CD6: variants seen among roughly 807,000 people sequenced by gnomAD.
CD6 encodes the protein CD6 molecule.
CD6 carries 53 observed loss-of-function variants against 75.3 expected under a neutral mutation model. The ratio of observed to expected loss-of-function variants is 0.70; its 90% confidence interval spans 0.56 to 0.88. CD6 has a LOEUF of 0.88. Among genes scored for constraint, CD6 ranks in the 40% least tolerant of loss-of-function variants. CD6 has a pLI of 0.00. For missense variants in CD6, 770 were observed against 897.1 expected, an observed-to-expected ratio of 0.86 and a Z score of 1.81; for synonymous variants, 359 against 381.5, an observed-to-expected ratio of 0.94 and a Z score of 0.69.
intron 1 of CD6, among the ~76,000 whole-genome samples, chr11:60,995,026 G>A (rs370610070): frequency 9.7e-4 from 148 of 152,284 alleles, no homozygotes; most frequent in African/African-American, 3.0e-3. Context: ...CAGCCCAACC[G>A]GGTGTCACAG....
intron 1 of CD6, among the ~76,000 whole-genome samples, chr11:60,983,069 G>A (rs898147583): frequency 6.6e-6 from 1 of 151,996 alleles, no homozygotes; most frequent in Non-Finnish European, 1.5e-5. Context: ...CCAGTCCTCA[G>A]GCTCTGCCTC....
rs1859593735 is a variant in CD6, at chr11:61,019,926, A to G, written c.*608A>G. The stretch of plus-strand genomic sequence containing the variant: ...CCTTCCTGGGCACAACTAGCTGACA[A>G]TGACAGGTTGACTGTGTACCCCCAA... On this transcript the variant is annotated 3_prime_UTR_variant, in exon 13 of 13. Transcript: ENST00000313421. 5.1e-6 allele frequency: 2 copies of G among 388,884 alleles called. No individual in the cohort carries two copies. The highest frequency in any genetic ancestry group is 4.5e-6 in the Non-Finnish European group (1 of 220,580). 24.1% of individuals were successfully genotyped at this position (388,884 alleles called of 1,614,324 possible). A position where few individuals can be genotyped will look rare whatever the true frequency, so the allele number is the denominator to read the frequency against.
chr11:61,017,922 A>C lies in CD6; in HGVS notation c.1746A>C (p.Pro582=). Reference sequence around the variant, plus strand: ...ATAGTCCCAAAAGCAAGCTGCCTCCATGGAACCCCCAGGTGTTTTCTTCAG... The same window carrying C: ...ATAGTCCCAAAAGCAAGCTGCCTCCCTGGAACCCCCAGGTGTTTTCTTCAG... The part of the protein sequence containing the change: ...YCNSPKSKLP[P]WNPQVFSSER... The change falls in exon 11 of 13, where the codon CCA becomes CCC. Residue 582 remains proline, a synonymous_variant. Coordinates refer to ENST00000313421, the MANE Select transcript of CD6 (RefSeq NM_006725.5). The C allele has an allele frequency of 1.2e-6, 2 of 1,614,032 alleles. No individual in the cohort carries two copies. The highest frequency in any genetic ancestry group is 8.5e-7 in the Non-Finnish European group (1 of 1,180,014).
chr11:60,973,742 A>G (rs1005266803), intron 1 of CD6, among the ~76,000 whole-genome samples: 39 of 152,288 alleles, frequency 2.6e-4, no homozygotes, highest in African/African-American at 9.4e-4. Flanking sequence ...AGAAGGACTG[A>G]AAACACCGTG....
intron 1 of CD6, among the ~76,000 whole-genome samples, chr11:60,985,573 AAT>A (rs3072194): frequency 6.6e-6 from 1 of 151,192 alleles, no homozygotes; most frequent in African/African-American, 2.4e-5. Context: ...AAGTAAATAG[AAT>A]ATATATATAT....
At chr11:61,010,580 G>T (rs1405222775) in intron 5 of CD6, among the ~76,000 whole-genome samples, 1 of 152,158 alleles carries the variant, frequency 6.6e-6, no homozygotes, top group African/African-American at 2.4e-5. Context: ...GGAGGCTTCC[G>T]ACAGTCCCTT....
chr11:60,991,089 T>C (rs1858041446), intron 1 of CD6, among the ~76,000 whole-genome samples: 2 of 151,836 alleles, frequency 1.3e-5, no homozygotes, highest in Admixed American at 1.3e-4. Context: ...TCTTGAAATC[T>C]ATGAGGTATC....
intron 8 of CD6, 50 bp downstream of exon 8, chr11:61,014,064 G>T (rs1323521702): frequency 7.0e-7 from 1 of 1,421,614 alleles, no homozygotes; most frequent in Admixed American, 1.9e-5. Context: ...GGACAAGAAG[G>T]GTGAGCTTTC....
chr11:61,017,800 C>T lies in CD6; in HGVS notation c.1624C>T (p.Pro542Ser), dbSNP rs186379971. 6.8e-6 allele frequency: 11 copies of T among 1,614,144 alleles called. No homozygotes were observed. The Admixed American group carries it at 1.7e-4, about 24-fold the overall frequency. ...LHASHIPTAN[P>S]GHCITDPPSL... is the part of the protein sequence containing the mutation. ...TGCCTCCCACATCCCAACTGCCAAC[C>T]CTGGACACTGCATTACAGACCCGCC... Residue 542 changes from proline to serine, a missense_variant, in exon 11 of 13, where the codon CCT (proline) becomes TCT (serine). Transcript: ENST00000313421.
chr11:61,018,991 G>C (rs1859552654), intron 12 of CD6: 1 of 416,742 alleles, frequency 2.4e-6, no homozygotes, highest in East Asian at 3.6e-5. Context: ...GACTGTGGTA[G>C]CAGAGGGGCT....
In CD6 at chr11:61,011,101, C is replaced by A. The variant is rs192304573; in HGVS notation, c.1116C>A (p.Pro372=). 2 of 1,613,942 alleles carry A rather than the reference C, an allele frequency of 1.2e-6. No homozygotes were observed. Among genetic ancestry groups the A allele is most frequent in the African/African-American group, 2.7e-5 (2 of 74,962 alleles). Residue 372 remains proline, a synonymous_variant, in exon 6 of 13, where the codon CCC becomes CCA. Transcript: ENST00000313421. ...ASRSLHNLST[P]EVPASVQTVT... is the part of the protein sequence containing the mutation. ...GGAGTTTGCACAATCTGTCCACTCC[C>A]GAAGTCCCTGCAAGTGTTCAGACAG...
Position 61,011,065 on chromosome 11 carries a change from G to A in CD6, c.1085-5G>A. ...ATTGAGTGACTGGGCGGTGCTTTCTGACAGCTTCCCGGAGTTTGCACAATC... is the reference window on the plus strand; with the variant it reads ...ATTGAGTGACTGGGCGGTGCTTTCTAACAGCTTCCCGGAGTTTGCACAATC... On this transcript the variant is annotated splice_polypyrimidine_tract_variant and splice_region_variant and intron_variant, in intron 5 of 12. Coordinates refer to ENST00000313421, the MANE Select transcript of CD6 (RefSeq NM_006725.5). 6.2e-7 allele frequency: 1 copy of A among 1,614,052 alleles called. No homozygotes were observed. Among genetic ancestry groups the A allele is most frequent in the Non-Finnish European group, 8.5e-7 (1 of 1,179,942 alleles).
chr11:60,972,092 G>A (rs1008227674), intron 1 of CD6, among the ~76,000 whole-genome samples, 178 bp downstream of exon 1: 7 of 152,188 alleles, frequency 4.6e-5, no homozygotes, highest in African/African-American at 1.2e-4. Context: ...GGAGCCCCTC[G>A]AGGGGCTGGG....
rs773872697 is a variant in CD6 at position 61,008,698 on chromosome 11, C to T, written c.634C>T (p.Pro212Ser). The change falls in exon 4 of 13, where the codon CCC (proline) becomes TCC (serine). Residue 212 changes from proline to serine, a missense_variant. By Grantham distance (74) the Pro-to-Ser change is moderately conservative. Coordinates refer to ENST00000313421, the MANE Select transcript of CD6 (RefSeq NM_006725.5). ...LGCGWAVQAL[P>S]GLHFTPGRGP... The stretch of plus-strand genomic sequence containing the variant: ...CTGCGGCTGGGCAGTCCAGGCCCTG[C>T]CCGGCTTGCACTTCACGCCCGGCCG... 1.2e-6 allele frequency: 2 copies of T among 1,607,626 alleles called. No homozygotes were observed. The highest frequency in any genetic ancestry group is 1.7e-6 in the Non-Finnish European group (2 of 1,177,664).
chr11:60,993,662 A>G (rs76349931), intron 1 of CD6, among the ~76,000 whole-genome samples: 3,349 of 152,208 alleles, frequency 0.022, 61 homozygotes, highest in Non-Finnish European at 0.034. Flanking sequence ...TCACTGTTCT[A>G]TCTGTCCCCA....
chr11:60,982,590 GT>G (rs1296304339), intron 1 of CD6: 1 of 455,968 alleles, frequency 2.2e-6, no homozygotes, highest in African/African-American at 2.0e-5. Context: ...GTGTGCTCTC[GT>G]TTTGCCTCCC....
intron 1 of CD6, among the ~76,000 whole-genome samples, chr11:60,990,781 T>G (rs1394532895): frequency 1.3e-5 from 2 of 151,888 alleles, no homozygotes; most frequent in East Asian, 3.9e-4. Flanking sequence ...ATGTACTATA[T>G]TTTATATAAA....
intron 1 of CD6, among the ~76,000 whole-genome samples, chr11:60,992,365 G>A (rs904554503): frequency 6.6e-6 from 1 of 151,550 alleles, no homozygotes. Flanking sequence ...TGAGGTGAGG[G>A]AGGCAAGGGG....
intron 7 of CD6, 119 bp downstream of exon 7, chr11:61,013,682 C>A: frequency 8.6e-7 from 1 of 1,162,546 alleles, no homozygotes; most frequent in Non-Finnish European, 1.2e-6. Context: ...GGGAGATCCC[C>A]AAGGTGGAAA....
Sources: allele counts gnomAD v4.1 joint callset (sites outside exome capture counted in the v4.1 genomes callset), GRCh38; gene constraint gnomAD v4.1.1; transcripts MANE v1.5; gene names NCBI Gene and HGNC (gene_info 2026-07-23, HGNC 2026-07-21).